Variants in RABGAP1L observed in about 807,000 individuals in gnomAD.
RABGAP1L encodes the protein rab GTPase-activating protein 1-like.
Under a neutral mutation model 137.7 loss-of-function variants are expected in RABGAP1L, and 63 were observed. The ratio of observed to expected loss-of-function variants is 0.46; its 90% confidence interval spans 0.37 to 0.56. RABGAP1L has a LOEUF of 0.56. Among genes scored for constraint, RABGAP1L ranks in the 20% least tolerant of loss-of-function variants. The probability of loss-of-function intolerance (pLI) is 0.00; values close to 1 mark genes in which losing one functional copy is unlikely to be tolerated. For synonymous variants in RABGAP1L, 431 were observed against 433.7 expected, an observed-to-expected ratio of 0.99 and a Z score of 0.08; for missense variants, 1,095 against 1,244.0, an observed-to-expected ratio of 0.88 and a Z score of 1.80.
At position 174,892,280 on chromosome 1, in the gene RABGAP1L, T is replaced by C. The variant is rs931443442; in HGVS notation, c.2341-65177T>C. 1.5e-5 allele frequency: 5 copies of C among 332,806 alleles called. No individual in the cohort carries two copies. The Admixed American group carries it at 1.8e-4, about 12-fold the overall frequency. 20.6% of individuals were successfully genotyped at this position (332,806 alleles called of 1,614,324 possible). ...CTCAGCCCGGGACACAGCACACTTA[T>C]CAAGTGGGTCCCATTTTTAGCCACT... On this transcript the variant is annotated intron_variant, in intron 19 of 25. Transcript: ENST00000681986.
In RABGAP1L at chr1:174,186,225, C is replaced by T. The variant is rs1017189567; in HGVS notation, c.-34+26568C>T. 4.0e-5 allele frequency among the ~76,000 whole-genome samples: 6 copies of T among 151,554 alleles called. No individual in the cohort carries two copies. In the East Asian group the frequency reaches 7.7e-4, roughly 19 times the overall value. On this transcript the variant is annotated intron_variant, in intron 1 of 25. Coordinates refer to ENST00000681986, the MANE Select transcript of RABGAP1L (RefSeq NM_001366446.1). ...ATGTTGACTTCTAGTGCTTTTTGGG[C>T]GCTGATGCTCACACTTATTTTGATA...
chr1:174,846,073 T>C (rs1694015206), intron 19 of RABGAP1L, among the ~76,000 whole-genome samples: 1 of 151,542 alleles, frequency 6.6e-6, no homozygotes, highest in African/African-American at 2.4e-5. Context: ...GGTGGTGATA[T>C]CCCCTTTATT....
rs547678692 is a variant in RABGAP1L at position 174,391,826 on chromosome 1, T to C, written c.1560-2169T>C. On this transcript the variant is annotated intron_variant, in intron 12 of 25. Coordinates refer to ENST00000681986, the MANE Select transcript of RABGAP1L (RefSeq NM_001366446.1). ...GACTCATAATTTAGAATATTTTGCA[T>C]TTAATTTGAGAGGAAATGACCTTTG... Among the ~76,000 whole-genome samples the C allele has an allele frequency of 3.3e-5, 5 of 152,338 alleles. No homozygotes were observed. In the South Asian group the frequency reaches 8.3e-4, roughly 25 times the overall value.
rs142840366 is a variant in RABGAP1L at position 174,204,271 on chromosome 1, T to G, written c.-33-14854T>G. Among the ~76,000 whole-genome samples the G allele has an allele frequency of 5.1e-3, 783 of 152,272 alleles. 8 individuals are homozygous for G. Among genetic ancestry groups the G allele is most frequent in the Non-Finnish European group, 4.2e-3 (288 of 68,004 alleles). On this transcript the variant is annotated intron_variant, in intron 1 of 25. Coordinates refer to ENST00000681986, the MANE Select transcript of RABGAP1L (RefSeq NM_001366446.1). ...TGGCCTGTACATTGATTTTGTATCC[T>G]GAAACTTTGCTGAAGTTGTTTATCA...
chr1:174,605,895 C>T (rs916409225), intron 13 of RABGAP1L, among the ~76,000 whole-genome samples: 5 of 152,194 alleles, frequency 3.3e-5, no homozygotes, highest in African/African-American at 1.2e-4. Flanking sequence ...GCATTGTCCT[C>T]ATAAACTTTT....
intron 17 of RABGAP1L, among the ~76,000 whole-genome samples, chr1:174,718,009 A>G (rs185611502): frequency 1.3e-5 from 2 of 152,198 alleles, no homozygotes; most frequent in Non-Finnish European, 2.9e-5. Context: ...TTCCTGTCCC[A>G]GTTGCTCCTC....
At chr1:174,172,865 T>G (rs1665528261) in intron 1 of RABGAP1L, among the ~76,000 whole-genome samples, 1 of 152,158 alleles carries the variant, frequency 6.6e-6, no homozygotes, top group African/African-American at 2.4e-5. Context: ...GTAGTCCTAC[T>G]TATTTATTTT....
At chr1:174,525,437 G>A (rs1281415442) in intron 13 of RABGAP1L, among the ~76,000 whole-genome samples, 1 of 151,550 alleles carries the variant, frequency 6.6e-6, no homozygotes, top group Non-Finnish European at 1.5e-5. Flanking sequence ...TGCTTTTTTG[G>A]CTATTTCATT....
At chr1:174,195,767 C>CCTT (rs1558021943) in intron 1 of RABGAP1L, among the ~76,000 whole-genome samples, 36 of 129,792 alleles carry the variant, frequency 2.8e-4, no homozygotes, top group South Asian at 2.5e-4. Context: ...TTCTCTCTTT[C>CCTT]TCTCTTTCCT....
Position 174,888,032 on chromosome 1 carries a change from A to G in RABGAP1L, c.2341-69425A>G, listed in dbSNP as rs564856774. Among the ~76,000 whole-genome samples the G allele has an allele frequency of 7.2e-4, 109 of 152,204 alleles. 1 individual carries two copies. The highest frequency in any genetic ancestry group is 2.5e-3 in the African/African-American group (103 of 41,516). ...AGCCTGGGGGACAGAGCGAGACTTC[A>G]TATCAAAAGAAAAAAAAAATACGAT... On this transcript the variant is annotated intron_variant, in intron 19 of 25. Coordinates refer to ENST00000681986, the MANE Select transcript of RABGAP1L (RefSeq NM_001366446.1).
chr1:174,702,219 G>T lies in RABGAP1L; in HGVS notation c.2132G>T (p.Cys711Phe). The T allele has an allele frequency of 1.9e-6, 3 of 1,611,942 alleles. No individual in the cohort carries two copies. The highest frequency in any genetic ancestry group is 2.5e-6 in the Non-Finnish European group (3 of 1,178,914). ...CTTTTTACTGCCAAGTTCCCACTCT[G>T]CATGGTGTTCCACATCATTGACTTA... Reference protein sequence around the residue: ...LTLFTAKFPLCMVFHIIDLLL... With the variant: ...LTLFTAKFPLFMVFHIIDLLL... Residue 711 changes from cysteine (C) to phenylalanine (F), a missense_variant, in exon 17 of 26, where the codon TGC becomes TTC. Physicochemically the swap from Cys to Phe is radical, Grantham distance 205. This residue lies in a region of RABGAP1L where 312 missense variants were observed against 435.6 expected (regional missense o/e 0.72). Transcript: ENST00000681986.
intron 13 of RABGAP1L, among the ~76,000 whole-genome samples, chr1:174,450,847 G>A (rs1231580350): frequency 2.0e-5 from 3 of 152,088 alleles, no homozygotes; most frequent in Non-Finnish European, 2.9e-5. Flanking sequence ...TTTATGAAAT[G>A]CATTTAATAA....
At chr1:174,501,379 G>A (rs1415933675) in intron 13 of RABGAP1L, among the ~76,000 whole-genome samples, 1 of 151,902 alleles carries the variant, frequency 6.6e-6, no homozygotes, top group Non-Finnish European at 1.5e-5. Flanking sequence ...AGCAGAGAGG[G>A]GGTTTCACCA....
chr1:174,889,534 C>T (rs965182821), intron 19 of RABGAP1L, among the ~76,000 whole-genome samples: 1 of 152,182 alleles, frequency 6.6e-6, no homozygotes, highest in African/African-American at 2.4e-5. Context: ...GATCCTCCTG[C>T]TTCAACCTCT....
chr1:174,162,899 A>G (rs1254775856), intron 1 of RABGAP1L, among the ~76,000 whole-genome samples: 3 of 120,986 alleles, frequency 2.5e-5, no homozygotes, highest in Non-Finnish European at 4.8e-5. Context: ...ATGAGATCAC[A>G]TGGACACAGG....
At chr1:174,702,298 A>T in intron 17 of RABGAP1L, 42 bp downstream of exon 17, 2 of 1,504,742 alleles carry the variant, frequency 1.3e-6, no homozygotes, top group Non-Finnish European at 1.8e-6. Flanking sequence ...AATAGAAAGT[A>T]GTTTCTACTA....
intron 7 of RABGAP1L, among the ~76,000 whole-genome samples, chr1:174,268,187 T>C (rs947367861): frequency 2.0e-5 from 3 of 152,046 alleles, no homozygotes; most frequent in African/African-American, 7.2e-5. Flanking sequence ...CTTTCTATTA[T>C]GCTGTCACTT....
At chr1:174,669,503 C>T (rs1677030726) in intron 14 of RABGAP1L, among the ~76,000 whole-genome samples, 1 of 152,172 alleles carries the variant, frequency 6.6e-6, no homozygotes, top group Non-Finnish European at 1.5e-5. Context: ...TCACATTTGT[C>T]TATTTTTACT....
At chr1:174,203,937 GA>G (rs1414144936) in intron 1 of RABGAP1L, among the ~76,000 whole-genome samples, 4 of 119,002 alleles carry the variant, frequency 3.4e-5, no homozygotes, top group African/African-American at 6.7e-5. Context: ...TTTGTACATT[GA>G]TTTTTTTTTT....
Sources: allele counts gnomAD v4.1 joint callset (sites outside exome capture counted in the v4.1 genomes callset), GRCh38; gene constraint gnomAD v4.1.1; regional missense constraint gnomAD v4.1.1; transcripts MANE v1.5; gene names NCBI Gene and HGNC (gene_info 2026-07-23, HGNC 2026-07-21).